The following EPB41 variants were observed in gnomAD, a reference collection of about 807,000 sequenced individuals.
EPB41 encodes protein 4.1.
A neutral mutation model predicts 108.0 loss-of-function variants in EPB41; 65 were observed. The observed-to-expected ratio is 0.60, with a 90% CI of 0.49 to 0.74. EPB41 has a LOEUF of 0.74. Among genes scored for constraint, EPB41 ranks in the 30% least tolerant of loss-of-function variants. EPB41 has a pLI of 0.00. For missense variants in EPB41, 875 were observed against 1,037.0 expected (o/e 0.84, Z 2.15); for synonymous variants, 336 against 358.9 (o/e 0.94, Z 0.72).
chr1:29,049,347 G>A (rs1644083962), intron 11 of EPB41, among the ~76,000 whole-genome samples: 2 of 152,166 alleles, frequency 1.3e-5, no homozygotes, highest in African/African-American at 4.8e-5. Flanking sequence ...GGAAACTGGA[G>A]CACAAAAGAA....
chr1:28,936,364 C>A (rs1341451032), intron 1 of EPB41, among the ~76,000 whole-genome samples: 1 of 151,962 alleles, frequency 6.6e-6, no homozygotes, highest in African/African-American at 2.4e-5. Context: ...AGTGTTTTCA[C>A]ATATGCAGCT....
chr1:29,118,476 AG>A lies in EPB41; in HGVS notation c.*1666del. 1 of 152,300 alleles carries A rather than the reference AG, an allele frequency of 6.6e-6. No individual in the cohort carries two copies. Among genetic ancestry groups the A allele is most frequent in the African/African-American group, 2.4e-5 (1 of 41,558 alleles). 9.4% of individuals were successfully genotyped at this position (152,300 alleles called of 1,614,324 possible). The stretch of plus-strand genomic sequence containing the variant: ...GCTTCCCACAAACACATTGGCCTCA[AG>A]GCTCCTTAGAATCCCAGTTCCAGCT... On this transcript the variant is annotated 3_prime_UTR_variant, in exon 21 of 21. Transcript: ENST00000343067.
At chr1:29,008,249 TTA>T (rs2096441860) in intron 4 of EPB41, among the ~76,000 whole-genome samples, 1 of 152,224 alleles carries the variant, frequency 6.6e-6, no homozygotes, top group Non-Finnish European at 1.5e-5. Context: ...TCCCATTTAC[TTA>T]GTCACAAATC....
At chr1:29,026,062 G>T (rs1218951283) in intron 7 of EPB41, among the ~76,000 whole-genome samples, 1 of 144,966 alleles carries the variant, frequency 6.9e-6, no homozygotes, top group African/African-American at 2.4e-5. Flanking sequence ...TCCCACACCA[G>T]CAGTCAGAAC....
intron 1 of EPB41, among the ~76,000 whole-genome samples, chr1:28,928,477 C>T (rs1446306538): frequency 6.6e-6 from 1 of 152,146 alleles, no homozygotes; most frequent in African/African-American, 2.4e-5. Context: ...ACAAACAGTA[C>T]AGGGGTGTTG....
At chr1:29,102,542 G>A (rs1665783229) in intron 17 of EPB41, among the ~76,000 whole-genome samples, 1 of 152,096 alleles carries the variant, frequency 6.6e-6, no homozygotes, top group Non-Finnish European at 1.5e-5. Flanking sequence ...ACATTTTGAA[G>A]TATTAAAATT....
At chr1:28,991,358 C>A (rs1383075899) in intron 2 of EPB41, among the ~76,000 whole-genome samples, 1 of 151,846 alleles carries the variant, frequency 6.6e-6, no homozygotes, top group Non-Finnish European at 1.5e-5. Context: ...AGGCCCTAGG[C>A]TGGATATACC....
chr1:28,976,967 C>G (rs1188890043), intron 1 of EPB41, among the ~76,000 whole-genome samples: 1 of 152,148 alleles, frequency 6.6e-6, no homozygotes, highest in South Asian at 2.1e-4. Flanking sequence ...ATTCTCCTGC[C>G]TCAGCCTCCC....
chr1:29,015,595 GAA>G, intron 5 of EPB41, 95 bp from the exon 6 acceptor site: 5 of 819,294 alleles, frequency 6.1e-6, no homozygotes, highest in Admixed American at 2.5e-5. Context: ...AAAAAAGAAA[GAA>G]AAAGAAAAAG....
At chr1:28,949,477 T>C (rs933251108) in intron 1 of EPB41, among the ~76,000 whole-genome samples, 1 of 152,168 alleles carries the variant, frequency 6.6e-6, no homozygotes, top group African/African-American at 2.4e-5. Flanking sequence ...TATATATAGA[T>C]ATATATTACA....
intron 1 of EPB41, among the ~76,000 whole-genome samples, chr1:28,941,273 G>A (rs2094273926): frequency 2.0e-5 from 3 of 151,844 alleles, no homozygotes; most frequent in Admixed American, 6.6e-5. Context: ...CCAGCTACTC[G>A]GGAGACTAAG....
intron 1 of EPB41, among the ~76,000 whole-genome samples, chr1:28,984,007 G>A (rs925136952): frequency 4.7e-5 from 7 of 150,342 alleles, no homozygotes; most frequent in Non-Finnish European, 1.0e-4. Context: ...GGCTCTCAGC[G>A]GGAAGGGGAG....
At chr1:29,033,490 T>C (rs1638241725) in intron 9 of EPB41, among the ~76,000 whole-genome samples, 1 of 152,216 alleles carries the variant, frequency 6.6e-6, no homozygotes, top group Non-Finnish European at 1.5e-5. Context: ...CTTGGACTGA[T>C]ACATTTGTTC....
intron 1 of EPB41, among the ~76,000 whole-genome samples, chr1:28,955,970 C>G (rs138237043): frequency 6.6e-6 from 1 of 152,268 alleles, no homozygotes; most frequent in East Asian, 1.9e-4. Context: ...TTGACAAATG[C>G]AGTTTACTAA....
intron 1 of EPB41, among the ~76,000 whole-genome samples, chr1:28,967,090 C>T (rs1288638800): frequency 7.6e-6 from 1 of 130,820 alleles, no homozygotes; most frequent in Non-Finnish European, 1.6e-5. Context: ...ATGATCTCTA[C>T]TCACTGCAAG....
At chr1:28,909,703 G>A (rs1269209979), upstream of EPB41, among the ~76,000 whole-genome samples, 4 of 152,074 alleles carry the variant, frequency 2.6e-5, no homozygotes, top group African/African-American at 7.2e-5. Flanking sequence ...AGGAGGCTGA[G>A]GAGGCAGGAT....
intron 2 of EPB41, among the ~76,000 whole-genome samples, chr1:28,992,525 A>AT (rs571666919): frequency 4.3e-4 from 66 of 152,250 alleles, no homozygotes; most frequent in African/African-American, 1.6e-3. Flanking sequence ...CATCTCTACT[A>AT]AAAGTACAAA....
intron 16 of EPB41, among the ~76,000 whole-genome samples, chr1:29,079,557 C>T (rs1435997044): frequency 3.3e-5 from 5 of 151,904 alleles, no homozygotes; most frequent in Admixed American, 2.6e-4. Flanking sequence ...ATTGCAGGCA[C>T]GTACCACCAT....
chr1:29,019,036 A>G lies in EPB41; in HGVS notation c.1124+594A>G, dbSNP rs1572553375. On this transcript the variant is annotated intron_variant, in intron 7 of 20. Transcript: ENST00000343067. Reference sequence around the variant, plus strand: ...CAACCTTGTGACCTTAGGTCTTTCAATTATAATGTCTCTGAGCCTCAGGTT... The same window carrying G: ...CAACCTTGTGACCTTAGGTCTTTCAGTTATAATGTCTCTGAGCCTCAGGTT... Among the ~76,000 whole-genome samples, 3 of 152,148 alleles carry G rather than the reference A, an allele frequency of 2.0e-5. No individual in the cohort carries two copies. The East Asian group carries it at 5.8e-4, about 29-fold the overall frequency.
Sources: gnomAD v4.1 joint callset for allele counts (sites outside exome capture counted in the v4.1 genomes callset) on GRCh38, gnomAD v4.1.1 for gene constraint, MANE v1.5 for transcripts, NCBI Gene and HGNC (gene_info 2026-07-23, HGNC 2026-07-21) for gene names.